The following NSMCE2 variants were observed in gnomAD, a reference collection of about 807,000 sequenced individuals.
NSMCE2 encodes the protein E3 SUMO-protein ligase NSE2.
NSMCE2 carries 24 observed loss-of-function variants against 23.8 expected under a neutral mutation model. The ratio of observed to expected loss-of-function variants is 1.01; its 90% CI spans 0.73 to 1.42. The LOEUF is 1.42. Ranked by LOEUF, NSMCE2 falls within the 40% of genes most tolerant of loss-of-function variation. The pLI is 0.00. For synonymous variants in NSMCE2, 92 were observed against 94.1 expected, an observed-to-expected ratio of 0.98 and a Z score of 0.13; for missense variants, 284 against 296.5, an observed-to-expected ratio of 0.96 and a Z score of 0.31.
intron 3 of NSMCE2, among the ~76,000 whole-genome samples, chr8:125,143,892 G>A (rs1021395438): frequency 6.6e-6 from 1 of 152,154 alleles, no homozygotes; most frequent in African/African-American, 2.4e-5. Context: ...GACCCATAAG[G>A]TATGAAGTGT....
At chr8:125,193,405 G>A (rs1823452298) in intron 5 of NSMCE2, among the ~76,000 whole-genome samples, 1 of 152,130 alleles carries the variant, frequency 6.6e-6, no homozygotes, top group Non-Finnish European at 1.5e-5. Flanking sequence ...GCAAAGGTTT[G>A]AACAGACTTC....
chr8:125,198,215 C>T (rs2130850295), intron 5 of NSMCE2, among the ~76,000 whole-genome samples: 1 of 152,240 alleles, frequency 6.6e-6, no homozygotes, highest in African/African-American at 2.4e-5. Flanking sequence ...CCAGAACTTC[C>T]AACACTATGT....
At chr8:125,352,649 T>C (rs1329161496) in intron 5 of NSMCE2, among the ~76,000 whole-genome samples, 1 of 152,178 alleles carries the variant, frequency 6.6e-6, no homozygotes, top group Non-Finnish European at 1.5e-5. Flanking sequence ...CTCAGGTAAA[T>C]GTGAGACTCA....
intron 5 of NSMCE2, among the ~76,000 whole-genome samples, chr8:125,287,296 C>T (rs1827939866): frequency 6.6e-6 from 1 of 152,168 alleles, no homozygotes; most frequent in African/African-American, 2.4e-5. Flanking sequence ...TGCCCACCTG[C>T]ACTTCAGCCT....
chr8:125,116,586 A>G lies in NSMCE2; in HGVS notation c.157+14099A>G, dbSNP rs577989556. ...TCTGTGTGTGCGTGTGTGTGTGCGT[A>G]TATGTGCACACATGGGAGTGTCTGT... On this transcript the variant is annotated intron_variant, in intron 3 of 7. Coordinates refer to ENST00000287437, the MANE Select transcript of NSMCE2 (RefSeq NM_173685.4). Among the ~76,000 whole-genome samples, 188 of 152,238 alleles carry G rather than the reference A, an allele frequency of 1.2e-3. 1 individual carries two copies. The highest frequency in any genetic ancestry group is 4.3e-3 in the African/African-American group (178 of 41,534).
chr8:125,270,401 G>T (rs1297572733), intron 5 of NSMCE2, among the ~76,000 whole-genome samples: 2 of 152,154 alleles, frequency 1.3e-5, no homozygotes, highest in Non-Finnish European at 2.9e-5. Context: ...GGAGGTGGAG[G>T]TTGCAGTGAG....
At chr8:125,319,317 C>T (rs1445972956) in intron 5 of NSMCE2, among the ~76,000 whole-genome samples, 1 of 152,102 alleles carries the variant, frequency 6.6e-6, no homozygotes, top group Non-Finnish European at 1.5e-5. Context: ...TGTCTAGATT[C>T]CAGGTAAAAT....
At chr8:125,128,720 T>G (rs1463256623) in intron 3 of NSMCE2, among the ~76,000 whole-genome samples, 1 of 152,212 alleles carries the variant, frequency 6.6e-6, no homozygotes, top group Non-Finnish European at 1.5e-5. Context: ...TGCACATTCC[T>G]TGGCTTCTAG....
chr8:125,322,235 G>A (rs373114865), intron 5 of NSMCE2, among the ~76,000 whole-genome samples: 49 of 152,202 alleles, frequency 3.2e-4, no homozygotes, highest in African/African-American at 9.6e-4. Context: ...AGGTGTGGTG[G>A]TGGGTACCTC....
intron 5 of NSMCE2, among the ~76,000 whole-genome samples, chr8:125,195,600 T>C (rs1823575382): frequency 6.6e-6 from 1 of 152,202 alleles, no homozygotes; most frequent in Non-Finnish European, 1.5e-5. Context: ...TTAGCATTCA[T>C]TCATTCAACA....
At chr8:125,109,503 T>C (rs73348129) in intron 3 of NSMCE2, among the ~76,000 whole-genome samples, 4,181 of 152,242 alleles carry the variant, frequency 0.027, 176 homozygotes, top group African/African-American at 0.095. Flanking sequence ...TTTATGAGAT[T>C]GTTGACTTTT....
chr8:125,352,667 T>C (rs1441969227), intron 5 of NSMCE2, among the ~76,000 whole-genome samples: 1 of 152,202 alleles, frequency 6.6e-6, no homozygotes, highest in African/African-American at 2.4e-5. Context: ...TCAGGATAGA[T>C]AGATAACCTC....
Position 125,267,169 on chromosome 8 carries a change from G to A in NSMCE2, c.418+84913G>A, listed in dbSNP as rs1244446798. Among the ~76,000 whole-genome samples, 13 of 151,646 alleles carry A rather than the reference G, an allele frequency of 8.6e-5. No individual in the cohort carries two copies. In the South Asian group the frequency reaches 1.2e-3, roughly 15 times the overall value. On this transcript the variant is annotated intron_variant, in intron 5 of 7. Transcript: ENST00000287437. The stretch of plus-strand genomic sequence containing the variant: ...TATATAGGCACGCACTGCCACGCCC[G>A]GTTAATTTTTGTATTTTTAGTAGAG...
chr8:125,234,541 T>C (rs1462818619), intron 5 of NSMCE2, among the ~76,000 whole-genome samples: 2 of 152,210 alleles, frequency 1.3e-5, no homozygotes, highest in East Asian at 3.8e-4. Context: ...TTATAATAAC[T>C]TAATAAAACC....
intron 5 of NSMCE2, among the ~76,000 whole-genome samples, chr8:125,350,918 CTAGT>C (rs1227312961): frequency 6.6e-6 from 1 of 152,088 alleles, no homozygotes; most frequent in Non-Finnish European, 1.5e-5. Context: ...GTGAGGGACA[CTAGT>C]TAGGAAGCAA....
At chr8:125,330,385 A>G (rs184823839) in intron 5 of NSMCE2, among the ~76,000 whole-genome samples, 302 of 152,112 alleles carry the variant, frequency 2.0e-3, no homozygotes, top group Admixed American at 3.3e-3. Context: ...CACGTTGGCC[A>G]GGCTGGTCTC....
chr8:125,102,387 T>G lies in NSMCE2; in HGVS notation c.57T>G (p.Gly19=), dbSNP rs754367104. The G allele has an allele frequency of 6.2e-7, 1 of 1,613,478 alleles. No individual in the cohort carries two copies. Among genetic ancestry groups the G allele is most frequent in the Non-Finnish European group, 8.5e-7 (1 of 1,179,380 alleles). ...SGSTGFISFS[G]VESALSSLKN... is the part of the protein sequence containing the mutation. ...CAACTGGTTTCATCTCCTTCAGTGG[T>G]GTAGAGTCTGCTCTCTCCTCCTTGA... The change falls in exon 3 of 8, where the codon GGT becomes GGG. Residue 19 remains glycine, a synonymous_variant. Transcript: ENST00000287437.
chr8:125,322,519 T>C (rs1829498092), intron 5 of NSMCE2, among the ~76,000 whole-genome samples: 1 of 152,234 alleles, frequency 6.6e-6, no homozygotes, highest in Non-Finnish European at 1.5e-5. Context: ...TATAACATCA[T>C]ACTTCATGGT....
intron 5 of NSMCE2, among the ~76,000 whole-genome samples, chr8:125,265,132 T>G (rs2131063227): frequency 6.8e-6 from 1 of 147,830 alleles, no homozygotes; most frequent in Middle Eastern, 3.5e-3. Flanking sequence ...TTATGCCAGC[T>G]GCAAGGTTGG....
Sources: allele counts gnomAD v4.1 joint callset (sites outside exome capture counted in the v4.1 genomes callset), GRCh38; gene constraint gnomAD v4.1.1; transcripts MANE v1.5; gene names NCBI Gene and HGNC (gene_info 2026-07-23, HGNC 2026-07-21).